The following ZNF90 variants were observed in gnomAD, a reference collection of about 807,000 sequenced individuals.
ZNF90 encodes the protein zinc finger protein HTF9.
ZNF90 carries 11 observed loss-of-function variants against 12.0 expected under a neutral mutation model. That is an observed-to-expected ratio of 0.92 (90% CI 0.58 to 1.52). ZNF90 has a LOEUF of 1.52. ZNF90 is among the 40% of genes most tolerant of loss of function. The pLI is 0.00. For synonymous variants in ZNF90, 232 were observed against 240.1 expected (o/e 0.97, Z 0.31); for missense variants, 765 against 711.5 (o/e 1.08, Z -0.86).
chr19:20,095,071 A>G (rs916544535), intron 1 of ZNF90, among the ~76,000 whole-genome samples: 2 of 151,934 alleles, frequency 1.3e-5, no homozygotes, highest in African/African-American at 4.8e-5. Context: ...GAGGAGGGGA[A>G]AGGTCAGATG....
rs1555706124 is a variant in ZNF90 at position 20,118,725 on chromosome 19, CAT to C, written c.1173_1174del (p.His391GlnfsTer2). 1 of 1,608,286 alleles carries C rather than the reference CAT, an allele frequency of 6.2e-7. No homozygotes were observed. The highest frequency in any genetic ancestry group is 8.5e-7 in the Non-Finnish European group (1 of 1,177,270). On this transcript the variant is annotated frameshift_variant, in exon 4 of 4. Transcript: ENST00000418063. LOFTEE classifies it low-confidence loss of function (END_TRUNC). ...ACTCCTTTATAAACATAAGATAAGT[CAT>C]AGTGAAAAGAAACCCTACAAATGTG... is the stretch of plus-strand genomic sequence containing the variant. The part of the protein sequence containing the change: ...SSLLYKHKIS[H>X]SEKKPYKCEE...
chr19:20,083,349 TGAA>T (rs1413131732), intron 1 of ZNF90, among the ~76,000 whole-genome samples: 23 of 152,180 alleles, frequency 1.5e-4, no homozygotes, highest in Admixed American at 9.2e-4. Flanking sequence ...TTTTTTGAGA[TGAA>T]GTTTTGCTCT....
intron 3 of ZNF90, among the ~76,000 whole-genome samples, chr19:20,115,739 C>G (rs1437327290): frequency 6.6e-6 from 1 of 151,708 alleles, no homozygotes; most frequent in Admixed American, 6.6e-5. Flanking sequence ...ATAAATTTTT[C>G]AGTTACTTTT....
chr19:20,117,779 A>G lies in ZNF90; in HGVS notation c.227-2A>G, dbSNP rs782710174. 23 of 1,504,870 alleles carry G rather than the reference A, an allele frequency of 1.5e-5. No homozygotes were observed. Among genetic ancestry groups the G allele is most frequent in the Middle Eastern group, 3.5e-4 (2 of 5,642 alleles). 93.2% of individuals were successfully genotyped at this position (1,504,870 alleles called of 1,614,324 possible). On this transcript the variant is annotated splice_acceptor_variant, in intron 3 of 3. Coordinates refer to ENST00000418063, the MANE Select transcript of ZNF90 (RefSeq NM_007138.2). LOFTEE classifies it high-confidence loss of function. ...GTAATGTGTTCTTATTGTTTCTTTCAGTTATGTGTTTTCATTTTGCCCAAG... is the reference window on the plus strand; with the variant it reads ...GTAATGTGTTCTTATTGTTTCTTTCGGTTATGTGTTTTCATTTTGCCCAAG...
intron 3 of ZNF90, among the ~76,000 whole-genome samples, chr19:20,108,004 C>T (rs2089054244): frequency 6.6e-6 from 1 of 151,896 alleles, no homozygotes; most frequent in African/African-American, 2.4e-5. Flanking sequence ...GGGTCTAACC[C>T]TATTCTGGAA....
chr19:20,118,091 C>G lies in ZNF90; in HGVS notation c.537C>G (p.Gly179=). The part of the protein sequence containing the change: ...GKKPFKCIEC[G]KAFNQSSTLA... ...AACCTTTCAAATGTATAGAATGTGG[C>G]AAAGCTTTCAACCAGTCCTCAACCC... The change falls in exon 4 of 4, where the codon GGC becomes GGG. Residue 179 remains glycine (G), a synonymous_variant. Coordinates refer to ENST00000418063, the MANE Select transcript of ZNF90 (RefSeq NM_007138.2). The G allele has an allele frequency of 1.2e-6, 2 of 1,613,648 alleles. No individual in the cohort carries two copies. Among genetic ancestry groups the G allele is most frequent in the Non-Finnish European group, 1.7e-6 (2 of 1,179,772 alleles).
At chr19:20,080,343 G>A in intron 1 of ZNF90, 1 of 483,232 alleles carries the variant, frequency 2.1e-6, no homozygotes. Context: ...CTGAGCCACA[G>A]GAGAAATTCC....
At chr19:20,106,765 A>G (rs1049998500) in intron 3 of ZNF90, among the ~76,000 whole-genome samples, 1 of 151,942 alleles carries the variant, frequency 6.6e-6, no homozygotes, top group Non-Finnish European at 1.5e-5. Context: ...GGTTTTCATA[A>G]ATTGGTTTTA....
At position 20,118,245 on chromosome 19, in the gene ZNF90, T is replaced by A. The variant is rs2089159052; in HGVS notation, c.691T>A (p.Cys231Ser). Residue 231 changes from cysteine (C) to serine (S), a missense_variant, in exon 4 of 4, where the codon TGT becomes AGT. Physicochemically the swap from Cys to Ser is moderately radical, Grantham distance 112. Coordinates refer to ENST00000418063, the MANE Select transcript of ZNF90 (RefSeq NM_007138.2). ...RIHTGEKRYK[C>S]EDCGKELKYS... The stretch of plus-strand genomic sequence containing the variant: ...TCATACTGGAGAGAAACGGTACAAA[T>A]GTGAAGATTGTGGCAAAGAATTAAA... The A allele has an allele frequency of 1.3e-6, 2 of 1,567,724 alleles. No individual in the cohort carries two copies. The highest frequency in any genetic ancestry group is 2.7e-5 in the African/African-American group (2 of 73,486).
At chr19:20,103,547 A>G (rs2089006624) in intron 1 of ZNF90, among the ~76,000 whole-genome samples, 1 of 152,230 alleles carries the variant, frequency 6.6e-6, no homozygotes, top group Non-Finnish European at 1.5e-5. Context: ...GATTTCTTTC[A>G]CTATAGAGTT....
chr19:20,115,417 G>GTT (rs34059055), intron 3 of ZNF90, among the ~76,000 whole-genome samples: 11,140 of 133,914 alleles, frequency 0.083, 1,481 homozygotes, highest in African/African-American at 0.28. Flanking sequence ...TTTCCTTTCT[G>GTT]TTTTTTTTTT....
chr19:20,080,276 C>G, intron 1 of ZNF90: 1 of 574,486 alleles, frequency 1.7e-6, no homozygotes, highest in South Asian at 1.4e-5. Flanking sequence ...CGGACTAGCT[C>G]GTTATTAGAT....
At chr19:20,095,457 G>A (rs960564426) in intron 1 of ZNF90, among the ~76,000 whole-genome samples, 2 of 152,036 alleles carry the variant, frequency 1.3e-5, no homozygotes, top group African/African-American at 4.8e-5. Flanking sequence ...GAGGAATGGA[G>A]GGTGGAAGGT....
intron 1 of ZNF90, among the ~76,000 whole-genome samples, chr19:20,080,999 A>G (rs2088816044): frequency 6.6e-6 from 1 of 152,166 alleles, no homozygotes; most frequent in Admixed American, 6.5e-5. Context: ...TTGTCCTGTG[A>G]TTCCAGATCT....
At position 20,117,397 on chromosome 19, in the gene ZNF90, C is replaced by CTCCT. The variant is rs1197197056; in HGVS notation, c.227-362_227-359dup. ...TTTTTCCTTTCTTTTCTTTTCTTTT[C>CTCCT]TCCTTCCTTCCTTCCTTCCTTCCTT... On this transcript the variant is annotated intron_variant, in intron 3 of 3. Coordinates refer to ENST00000418063, the MANE Select transcript of ZNF90 (RefSeq NM_007138.2). 3.2e-3 allele frequency among the ~76,000 whole-genome samples: 292 copies of CTCCT among 91,398 alleles called. 2 individuals are homozygous for CTCCT. The highest frequency in any genetic ancestry group is 5.9e-3 in the African/African-American group (84 of 14,198). The allele number at this position is 91,398 out of a possible 152,430, so 60.0% of individuals were successfully genotyped here. A position where few individuals can be genotyped will look rare whatever the true frequency, so the allele number is the denominator to read the frequency against.
chr19:20,085,943 A>G (rs1334202415), intron 1 of ZNF90, among the ~76,000 whole-genome samples: 3 of 152,202 alleles, frequency 2.0e-5, no homozygotes, highest in African/African-American at 7.2e-5. Flanking sequence ...AGCTCATTTT[A>G]ATAGCATACA....
intron 1 of ZNF90, among the ~76,000 whole-genome samples, chr19:20,096,822 CT>C (rs1415318332): frequency 2.0e-5 from 3 of 152,194 alleles, no homozygotes; most frequent in Admixed American, 6.5e-5. Context: ...CTGTAGCCCC[CT>C]GCCAGAGTGT....
chr19:20,080,418 C>CG (rs1568280968), intron 1 of ZNF90: 5 of 353,370 alleles, frequency 1.4e-5, no homozygotes, highest in African/African-American at 4.4e-5. Context: ...GTGGATGCGG[C>CG]GGGGGCCAAT....
intron 3 of ZNF90, among the ~76,000 whole-genome samples, chr19:20,114,813 C>T (rs1285637923): frequency 4.6e-5 from 7 of 151,150 alleles, no homozygotes; most frequent in Non-Finnish European, 1.0e-4. Context: ...GCCTTCTAGT[C>T]CCCTGTTCCC....
Sources: allele counts gnomAD v4.1 joint callset (sites outside exome capture counted in the v4.1 genomes callset), GRCh38; gene constraint gnomAD v4.1.1; transcripts MANE v1.5; gene names NCBI Gene and HGNC (gene_info 2026-07-23, HGNC 2026-07-21).